The following GHR variants were observed in gnomAD, a reference collection of about 807,000 sequenced individuals.
GHR encodes the protein growth hormone receptor.
A neutral mutation model predicts 67.1 loss-of-function variants in GHR; 35 were observed. The ratio of observed to expected loss-of-function variants is 0.52; its 90% CI spans 0.40 to 0.69. GHR has a LOEUF of 0.69. Ranked by LOEUF, GHR falls within the 30% of genes least tolerant of loss-of-function variation. The pLI is 0.00. For synonymous variants in GHR, 272 were observed against 269.1 expected, an observed-to-expected ratio of 1.01 and a Z score of -0.10; for missense variants, 792 against 764.6, an observed-to-expected ratio of 1.04 and a Z score of -0.42.
intron 1 of GHR, among the ~76,000 whole-genome samples, chr5:42,466,497 A>T (rs1744739628): frequency 6.6e-6 from 1 of 152,236 alleles, no homozygotes; most frequent in African/African-American, 2.4e-5. Context: ...TACACGGTTC[A>T]ACCAGAATTC....
At chr5:42,670,519 T>C (rs1756220827) in intron 3 of GHR, among the ~76,000 whole-genome samples, 1 of 151,930 alleles carries the variant, frequency 6.6e-6, no homozygotes, top group Admixed American at 6.6e-5. Flanking sequence ...AATAGACAAA[T>C]GGCATTGCAT....
intron 1 of GHR, among the ~76,000 whole-genome samples, chr5:42,503,330 A>G (rs1680139641): frequency 6.6e-6 from 1 of 152,232 alleles, no homozygotes; most frequent in Non-Finnish European, 1.5e-5. Flanking sequence ...TAAGCACACA[A>G]TTCACTTAAA....
chr5:42,625,367 T>A (rs1270073074), intron 2 of GHR, among the ~76,000 whole-genome samples: 2 of 152,188 alleles, frequency 1.3e-5, no homozygotes, highest in African/African-American at 4.8e-5. Flanking sequence ...TTTCTCCTAC[T>A]ATACTCTCAT....
At chr5:42,645,955 G>C (rs1490246546) in intron 3 of GHR, among the ~76,000 whole-genome samples, 1 of 151,908 alleles carries the variant, frequency 6.6e-6, no homozygotes, top group Non-Finnish European at 1.5e-5. Flanking sequence ...TTCATTACTT[G>C]GCCTTCTCTG....
intron 3 of GHR, among the ~76,000 whole-genome samples, chr5:42,681,304 A>T (rs1381239137): frequency 1.3e-5 from 2 of 152,164 alleles, no homozygotes; most frequent in Non-Finnish European, 2.9e-5. Flanking sequence ...AAAGGATATA[A>T]ACAGACACTT....
At chr5:42,578,905 G>T (rs547763880) in intron 2 of GHR, among the ~76,000 whole-genome samples, 5 of 151,958 alleles carry the variant, frequency 3.3e-5, no homozygotes, top group African/African-American at 9.7e-5. Flanking sequence ...ATTTCACTAC[G>T]TACAGCAATA....
chr5:42,490,028 T>G (rs1746047353), intron 1 of GHR, among the ~76,000 whole-genome samples: 1 of 152,182 alleles, frequency 6.6e-6, no homozygotes. Flanking sequence ...CATAAAAAGC[T>G]GTAAAAATTG....
rs1217924542 is a variant in GHR at position 42,605,809 on chromosome 5, C to T, written c.71-23229C>T. On this transcript the variant is annotated intron_variant, in intron 2 of 9. Transcript: ENST00000230882. ...AGTGCCCTCATGCCTGTTCAGACTCCCGGAGTTCTACTAATTGCCTGCTCC... is the reference window on the plus strand; with the variant it reads ...AGTGCCCTCATGCCTGTTCAGACTCTCGGAGTTCTACTAATTGCCTGCTCC... Among the ~76,000 whole-genome samples the T allele has an allele frequency of 2.0e-5, 3 of 152,138 alleles. No individual in the cohort carries two copies. The East Asian group carries it at 5.8e-4, about 29-fold the overall frequency.
intron 2 of GHR, among the ~76,000 whole-genome samples, chr5:42,626,101 C>T (rs180902576): frequency 1.3e-5 from 2 of 152,120 alleles, no homozygotes; most frequent in African/African-American, 2.4e-5. Context: ...ACTTAGTCCT[C>T]GGTGGGAATC....
At chr5:42,529,046 C>G (rs541741143) in intron 1 of GHR, among the ~76,000 whole-genome samples, 1 of 146,932 alleles carries the variant, frequency 6.8e-6, no homozygotes, top group Non-Finnish European at 1.5e-5. Flanking sequence ...GAGTCTTGCT[C>G]TGTAGCCCAG....
intron 8 of GHR, 53 bp from the exon 9 acceptor site, chr5:42,717,999 T>A (rs529487865): frequency 8.4e-6 from 7 of 830,290 alleles, no homozygotes; most frequent in South Asian, 8.0e-5. Flanking sequence ...TTGCTATAAT[T>A]GAGAATATGT....
intron 1 of GHR, among the ~76,000 whole-genome samples, chr5:42,550,665 T>C (rs1253173164): frequency 6.6e-6 from 1 of 152,216 alleles, no homozygotes; most frequent in Non-Finnish European, 1.5e-5. Context: ...TGCCTGTTTG[T>C]CTTTCAAAAG....
intron 1 of GHR, among the ~76,000 whole-genome samples, chr5:42,556,760 T>A (rs1429849242): frequency 6.6e-6 from 1 of 152,212 alleles, no homozygotes; most frequent in Non-Finnish European, 1.5e-5. Flanking sequence ...CAGGGATAGT[T>A]GCGGGGAGGC....
At position 42,662,345 on chromosome 5, in the gene GHR, G is replaced by A. The variant is rs1284077134; in HGVS notation, c.137-26545G>A. On this transcript the variant is annotated intron_variant, in intron 3 of 9. Transcript: ENST00000230882. ...CCACACCTATTCCAAAATTGACCAC[G>A]TGGTTCGAAGCAAAGCTCTCCTCAG... Among the ~76,000 whole-genome samples the A allele has an allele frequency of 3.9e-5, 6 of 151,956 alleles. No homozygotes were observed. In the East Asian group the frequency reaches 7.7e-4, roughly 20 times the overall value.
chr5:42,597,189 T>G (rs1410824432), intron 2 of GHR, among the ~76,000 whole-genome samples: 1 of 152,074 alleles, frequency 6.6e-6, no homozygotes, highest in East Asian at 1.9e-4. Flanking sequence ...TGATTGAAAG[T>G]AGAGTTTGGA....
chr5:42,496,159 C>G (rs1296774293), intron 1 of GHR, among the ~76,000 whole-genome samples: 2 of 152,136 alleles, frequency 1.3e-5, no homozygotes, highest in Middle Eastern at 3.2e-3. Flanking sequence ...AATTGGGAAC[C>G]TCTCTAGTTT....
intron 1 of GHR, among the ~76,000 whole-genome samples, chr5:42,475,936 C>A (rs13165456): frequency 0.47 from 69,840 of 148,926 alleles, 16,945 homozygotes; most frequent in Middle Eastern, 0.54. Flanking sequence ...GACGGAGTCT[C>A]GCTCTGTCAC....
chr5:42,462,784 C>T (rs1744544028), intron 1 of GHR, among the ~76,000 whole-genome samples: 1 of 151,898 alleles, frequency 6.6e-6, no homozygotes, highest in Non-Finnish European at 1.5e-5. Context: ...AATGTCAGCA[C>T]TTCCTATTGC....
chr5:42,483,363 T>A (rs1745739000), intron 1 of GHR, among the ~76,000 whole-genome samples: 1 of 152,168 alleles, frequency 6.6e-6, no homozygotes, highest in South Asian at 2.1e-4. Context: ...CTTACTGTCT[T>A]TTTAATTATC....
Sources: gnomAD v4.1 joint callset for allele counts (sites outside exome capture counted in the v4.1 genomes callset) on GRCh38, gnomAD v4.1.1 for gene constraint, MANE v1.5 for transcripts, NCBI Gene and HGNC (gene_info 2026-07-23, HGNC 2026-07-21) for gene names.